The following KLF1 variants were observed in gnomAD, a reference collection of about 807,000 sequenced individuals.
The protein encoded by KLF1 is Krueppel-like factor 1.
KLF1 carries 29 observed loss-of-function variants against 28.0 expected under a neutral mutation model. That is an observed-to-expected ratio of 1.04 (90% confidence interval 0.77 to 1.41). The LOEUF is 1.41. KLF1 is among the 40% of genes most tolerant of loss of function. The pLI, the probability that KLF1 is intolerant of heterozygous loss-of-function variation, is 0.00. For synonymous variants in KLF1, 262 were observed against 242.6 expected, an observed-to-expected ratio of 1.08 and a Z score of -0.74; for missense variants, 508 against 515.1, an observed-to-expected ratio of 0.99 and a Z score of 0.13.
At position 12,885,887 on chromosome 19, in the gene KLF1, C is replaced by A; in HGVS notation, c.343G>T (p.Ala115Ser). 1 of 1,552,056 alleles carries A rather than the reference C, an allele frequency of 6.4e-7. No homozygotes were observed. Residue 115 changes from alanine to serine, a missense_variant, in exon 2 of 3, where the codon GCA (alanine) becomes TCA (serine). Transcript: ENST00000264834. The surrounding 1 kb of genome is among the most constrained non-coding windows in gnomAD (Gnocchi z 5.6). Reference sequence around the variant, plus strand: ...ACCAGCCCCGGGCCGCCAGCATATGCGCCCAGAGTCTCGGGCGGCGGCGGA... The same window carrying A: ...ACCAGCCCCGGGCCGCCAGCATATGAGCCCAGAGTCTCGGGCGGCGGCGGA... ...QYPPPPETLGAYAGGPGLVAG... is the reference protein window; with the variant it reads ...QYPPPPETLGSYAGGPGLVAG...
At position 12,887,180 on chromosome 19, in the gene KLF1, C is replaced by T. The variant is rs754743350; in HGVS notation, c.-40G>A. 6.2e-7 allele frequency: 1 copy of T among 1,603,174 alleles called. No homozygotes were observed. Among genetic ancestry groups the T allele is most frequent in the Non-Finnish European group, 8.5e-7 (1 of 1,171,178 alleles). ...CACCCTGGGCCTCAAGCCTCCTCTTCCTCGGCTGCCTCGTGAACTCTGAGG... is the reference window on the plus strand; with the variant it reads ...CACCCTGGGCCTCAAGCCTCCTCTTTCTCGGCTGCCTCGTGAACTCTGAGG... On this transcript the variant is annotated 5_prime_UTR_variant, in exon 1 of 3. Coordinates refer to ENST00000264834, the MANE Select transcript of KLF1 (RefSeq NM_006563.5). The surrounding 1 kb of genome is among the most constrained non-coding windows in gnomAD (Gnocchi z 4.7).
intron 1 of KLF1, 95 bp from the exon 2 acceptor site, chr19:12,886,237 G>A: frequency 1.1e-6 from 1 of 882,592 alleles, no homozygotes; most frequent in East Asian, 2.7e-5. Flanking sequence ...AGAGGCTTTG[G>A]AAAGGGGTCT....
intron 1 of KLF1, among the ~76,000 whole-genome samples, chr19:12,886,465 C>T (rs559071732): frequency 2.0e-5 from 3 of 152,210 alleles, no homozygotes; most frequent in South Asian, 4.2e-4. Flanking sequence ...GGATGCCAGC[C>T]TTGACTTAGT....
At chr19:12,886,870 C>T (rs1599602471) in intron 1 of KLF1, among the ~76,000 whole-genome samples, 184 bp downstream of exon 1, 1 of 152,152 alleles carries the variant, frequency 6.6e-6, no homozygotes, top group African/African-American at 2.4e-5. Flanking sequence ...GAACCTCAAA[C>T]CCCTAGACCA....
At position 12,887,045 on chromosome 19, in the gene KLF1, A is replaced by G; in HGVS notation, c.87+9T>C. ...CCAGCCCACCTAGACCCCACCTTCT[A>G]GGCCCCACCTTGAGGAAGTCATCCT... On this transcript the variant is annotated intron_variant, in intron 1 of 2. Transcript: ENST00000264834. This position sits in a 1 kb window ranked among gnomAD's most constrained non-coding sequence, Gnocchi z 4.7. 6.2e-7 allele frequency: 1 copy of G among 1,613,776 alleles called. No homozygotes were observed. The highest frequency in any genetic ancestry group is 8.5e-7 in the Non-Finnish European group (1 of 1,179,862).
chr19:12,885,208 C>G lies in KLF1; in HGVS notation c.913+109G>C. 1 of 1,333,964 alleles carries G rather than the reference C, an allele frequency of 7.5e-7. No homozygotes were observed. The highest frequency in any genetic ancestry group is 1.0e-6 in the Non-Finnish European group (1 of 967,868). The allele number at this position is 1,333,964 out of a possible 1,614,324, so 82.6% of individuals were successfully genotyped here. ...AGGGCACAAAATTTAAGGAGGCACT[C>G]ACTCTCAGAGGCCAGCCAAGTCCAA... On this transcript the variant is annotated intron_variant, in intron 2 of 2. Coordinates refer to ENST00000264834, the MANE Select transcript of KLF1 (RefSeq NM_006563.5). The surrounding 1 kb of genome is among the most constrained non-coding windows in gnomAD (Gnocchi z 5.6).
chr19:12,884,648 T>C lies in KLF1; in HGVS notation c.*237A>G. On this transcript the variant is annotated 3_prime_UTR_variant, in exon 3 of 3. Transcript: ENST00000264834. The stretch of plus-strand genomic sequence containing the variant: ...GTTTGCACGACAGTTTGGACATCTC[T>C]GTGTGGCTCCCTGTGGCTGAAGGCT... The C allele has an allele frequency of 1.7e-6, 1 of 577,016 alleles. No homozygotes were observed. The highest frequency in any genetic ancestry group is 3.1e-6 in the Non-Finnish European group (1 of 321,994). 35.7% of individuals were successfully genotyped at this position (577,016 alleles called of 1,614,324 possible).
chr19:12,886,195 C>T lies in KLF1; in HGVS notation c.88-53G>A, dbSNP rs1970446895. ...TTCGGTGGACACTGGGGTGCCCTGC[C>T]CAGGGACATCGCGGGCTGGACACTC... is the stretch of plus-strand genomic sequence containing the variant. On this transcript the variant is annotated intron_variant, in intron 1 of 2. Coordinates refer to ENST00000264834, the MANE Select transcript of KLF1 (RefSeq NM_006563.5). 18 of 1,371,054 alleles carry T rather than the reference C, an allele frequency of 1.3e-5. No homozygotes were observed. The South Asian group carries it at 2.2e-4, about 17-fold the overall frequency. The allele number at this position is 1,371,054 out of a possible 1,614,324, so 84.9% of individuals were successfully genotyped here.
In KLF1 at chr19:12,885,178, C is replaced by T; in HGVS notation, c.914-118G>A. ...TGGGACTAGGATGAACAAAGTGAGG[C>T]CCCTAGGGCACAAAATTTAAGGAGG... On this transcript the variant is annotated intron_variant, in intron 2 of 2. Transcript: ENST00000264834. The surrounding 1 kb of genome is among the most constrained non-coding windows in gnomAD (Gnocchi z 5.6). 2 of 1,392,160 alleles carry T rather than the reference C, an allele frequency of 1.4e-6. No homozygotes were observed. The highest frequency in any genetic ancestry group is 2.0e-6 in the Non-Finnish European group (2 of 1,018,020). 86.2% of individuals were successfully genotyped at this position (1,392,160 alleles called of 1,614,324 possible).
At position 12,885,058 on chromosome 19, in the gene KLF1, C is replaced by T. The variant is rs1383534394; in HGVS notation, c.916G>A (p.Glu306Lys). Reference sequence around the variant, plus strand: ...TCCCACGTGCAGGCGTATGGCTTCTCCCCTAGGGGACAAGGAAGCCATAAG... The same window carrying T: ...TCCCACGTGCAGGCGTATGGCTTCTTCCCTAGGGGACAAGGAAGCCATAAG... ...LKAHLRTHTG[E>K]KPYACTWEGC... The change falls in exon 3 of 3, where the codon GAG (glutamate) becomes AAG (lysine). Residue 306 changes from glutamate to lysine, a missense_variant and splice_region_variant. By Grantham distance (56) the Glu-to-Lys change is moderately conservative. Coordinates refer to ENST00000264834, the MANE Select transcript of KLF1 (RefSeq NM_006563.5). The surrounding 1 kb of genome is among the most constrained non-coding windows in gnomAD (Gnocchi z 5.6). 6.2e-7 allele frequency: 1 copy of T among 1,604,742 alleles called. No individual in the cohort carries two copies. Among genetic ancestry groups the T allele is most frequent in the East Asian group, 2.2e-5 (1 of 44,874 alleles).
At chr19:12,886,310 TC>T (rs113487247) in intron 1 of KLF1, among the ~76,000 whole-genome samples, 168 bp from the exon 2 acceptor site, 3,053 of 148,500 alleles carry the variant, frequency 0.021, 39 homozygotes, top group Non-Finnish European at 0.03. Context: ...CTCTCCCCGC[TC>T]CCCCCCCAGC....
intron 1 of KLF1, among the ~76,000 whole-genome samples, chr19:12,886,626 T>TC (rs1382385964): frequency 6.8e-6 from 1 of 147,888 alleles, no homozygotes; most frequent in Non-Finnish European, 1.5e-5. Flanking sequence ...TTTTTTTTTT[T>TC]CTTGAGATAG....
At position 12,885,482 on chromosome 19, in the gene KLF1, C is replaced by A; in HGVS notation, c.748G>T (p.Gly250Trp). The A allele has an allele frequency of 6.2e-7, 1 of 1,602,624 alleles. No homozygotes were observed. Among genetic ancestry groups the A allele is most frequent in the Non-Finnish European group, 8.5e-7 (1 of 1,175,390 alleles). ...ATCACACCTGGATCCTCTGCAGTCC[C>A]CCCGAGTCCAGTGCCCACCGTCCCG... Reference protein sequence around the residue: ...GPGTVGTGLGGTAEDPGVIAE... With the variant: ...GPGTVGTGLGWTAEDPGVIAE... Residue 250 changes from glycine to tryptophan, a missense_variant, in exon 2 of 3, where the codon GGG (glycine) becomes TGG (tryptophan). Physicochemically the swap from Gly to Trp is radical, Grantham distance 184 (BLOSUM62 -2). Transcript: ENST00000264834. This position sits in a 1 kb window ranked among gnomAD's most constrained non-coding sequence, Gnocchi z 5.6.
Position 12,885,708 on chromosome 19 carries a change from G to C in KLF1, c.522C>G (p.Gly174=). 1 of 1,524,384 alleles carries C rather than the reference G, an allele frequency of 6.6e-7. No individual in the cohort carries two copies. The highest frequency in any genetic ancestry group is 8.8e-7 in the Non-Finnish European group (1 of 1,135,616). The allele number at this position is 1,524,384 out of a possible 1,614,324, so 94.4% of individuals were successfully genotyped here. A position where few individuals can be genotyped will look rare whatever the true frequency, so the allele number is the denominator to read the frequency against. Reference sequence around the variant, plus strand: ...GGAAGTAGCCACCCGAGGAGCCGGCGCCGGGCCCCGGGTACACCGGTTGCA... The same window carrying C: ...GGAAGTAGCCACCCGAGGAGCCGGCCCCGGGCCCCGGGTACACCGGTTGCA... ...LALQPVYPGP[G]AGSSGGYFPR... is the part of the protein sequence containing the mutation. The change falls in exon 2 of 3, where the codon GGC becomes GGG. Residue 174 remains glycine, a synonymous_variant. Transcript: ENST00000264834. The surrounding 1 kb of genome is among the most constrained non-coding windows in gnomAD (Gnocchi z 5.6).
Position 12,886,052 on chromosome 19 carries a change from C to T in KLF1, c.178G>A (p.Gly60Arg), listed in dbSNP as rs773184017. 3 of 1,610,418 alleles carry T rather than the reference C, an allele frequency of 1.9e-6. No individual in the cohort carries two copies. Among genetic ancestry groups the T allele is most frequent in the African/African-American group, 1.3e-5 (1 of 74,892 alleles). The change falls in exon 2 of 3, where the codon GGG becomes AGG. Residue 60 changes from glycine to arginine, a missense_variant. Transcript: ENST00000264834. ...CCCCTCTCATCGTCCTCTTCCTCCC[C>T]GGGCTGGTCCTCAGACTTCACGTGG... ...PLHVKSEDQP[G>R]EEEDDERGAD...
At position 12,886,001 on chromosome 19, in the gene KLF1, G is replaced by T; in HGVS notation, c.229C>A (p.Leu77Ile). Reference protein sequence around the residue: ...RGADATWDLDLLLTNFSGPEP... With the variant: ...RGADATWDLDILLTNFSGPEP... ...GGGCCCGAGAAGTTGGTGAGGAGGA[G>T]ATCCAGGTCCCAGGTGGCGTCCGCG... The change falls in exon 2 of 3, where the codon CTC (leucine) becomes ATC (isoleucine). Residue 77 changes from leucine (L) to isoleucine (I), a missense_variant. Physicochemically the swap from Leu to Ile is conservative, Grantham distance 5. Coordinates refer to ENST00000264834, the MANE Select transcript of KLF1 (RefSeq NM_006563.5). 6.3e-7 allele frequency: 1 copy of T among 1,596,494 alleles called. No individual in the cohort carries two copies.
intron 1 of KLF1, among the ~76,000 whole-genome samples, 170 bp from the exon 2 acceptor site, chr19:12,886,312 C>T (rs949469131): frequency 6.8e-5 from 10 of 146,154 alleles, no homozygotes; most frequent in South Asian, 6.4e-4. Flanking sequence ...CTCCCCGCTC[C>T]CCCCCCAGCT....
rs577976959 is a variant in KLF1 at position 12,884,502 on chromosome 19, G to A, written c.*383C>T. ...CCACAATAAGGGACCTTCAGGAGCC[G>A]CTTTCTAGACCCAGGGTCTCTGGGA... On this transcript the variant is annotated 3_prime_UTR_variant, in exon 3 of 3. Transcript: ENST00000264834. 7.7e-5 allele frequency: 19 copies of A among 245,834 alleles called. No homozygotes were observed. The highest frequency in any genetic ancestry group is 2.7e-4 in the African/African-American group (12 of 44,364). The allele number at this position is 245,834 out of a possible 1,614,324, so 15.2% of individuals were successfully genotyped here. A position where few individuals can be genotyped will look rare whatever the true frequency, so the allele number is the denominator to read the frequency against.
At position 12,885,559 on chromosome 19, in the gene KLF1, C is replaced by T. The variant is rs1427688352; in HGVS notation, c.671G>A (p.Gly224Glu). 3 of 1,566,278 alleles carry T rather than the reference C, an allele frequency of 1.9e-6. No individual in the cohort carries two copies. Among genetic ancestry groups the T allele is most frequent in the African/African-American group, 1.4e-5 (1 of 74,060 alleles). The change falls in exon 2 of 3, where the codon GGA becomes GAA. Residue 224 changes from glycine to glutamate, a missense_variant. Coordinates refer to ENST00000264834, the MANE Select transcript of KLF1 (RefSeq NM_006563.5). This position sits in a 1 kb window ranked among gnomAD's most constrained non-coding sequence, Gnocchi z 5.6. ...GGACGTGGCGGGACCGGGCGCGGGT[C>T]CCTGGAGCCCGCGGAAGAGCTGGAA... ...GHFQLFRGLQGPAPGPATSPS... is the reference protein window; with the variant it reads ...GHFQLFRGLQEPAPGPATSPS...
Sources: gnomAD v4.1 joint callset for allele counts (sites outside exome capture counted in the v4.1 genomes callset) on GRCh38, gnomAD v4.1.1 for gene constraint, Gnocchi (gnomAD v3.1) non-coding constraint, MANE v1.5 for transcripts, NCBI Gene and HGNC (gene_info 2026-07-23, HGNC 2026-07-21) for gene names.